SLC44A5: variants seen among roughly 807,000 people sequenced by gnomAD.
SLC44A5 encodes the protein solute carrier family 44 member 5.
A neutral mutation model predicts 101.8 loss-of-function variants in SLC44A5; 57 were observed. The observed-to-expected ratio is 0.56, with a 90% CI of 0.45 to 0.70. The LOEUF (loss-of-function observed/expected upper bound fraction) is 0.70. Among genes scored for constraint, SLC44A5 ranks in the 30% least tolerant of loss-of-function variants. SLC44A5 has a pLI of 0.00. For synonymous variants in SLC44A5, 281 were observed against 290.9 expected (o/e 0.97, Z 0.35); for missense variants, 737 against 853.1 (o/e 0.86, Z 1.70).
At chr1:75,495,461 A>G (rs576695988) in intron 2 of SLC44A5, among the ~76,000 whole-genome samples, 2 of 152,276 alleles carry the variant, frequency 1.3e-5, no homozygotes, top group East Asian at 3.9e-4. Flanking sequence ...TCTCAAAAAA[A>G]CAAAGAAACA....
At chr1:75,582,723 A>G (rs1673769199) in intron 1 of SLC44A5, among the ~76,000 whole-genome samples, 6 of 152,238 alleles carry the variant, frequency 3.9e-5, no homozygotes. Flanking sequence ...TTAAAGTCTG[A>G]AGGTATCAAG....
intron 6 of SLC44A5, among the ~76,000 whole-genome samples, chr1:75,264,049 C>T (rs1028771917): frequency 6.7e-6 from 1 of 149,536 alleles, no homozygotes; most frequent in African/African-American, 2.5e-5. Context: ...TTGATAGGTA[C>T]AGCAAACCAC....
At chr1:75,343,102 G>A (rs1184828061) in intron 3 of SLC44A5, among the ~76,000 whole-genome samples, 6 of 152,194 alleles carry the variant, frequency 3.9e-5, no homozygotes, top group Admixed American at 6.5e-5. Flanking sequence ...ACAGTGGTTC[G>A]CTGTCATGTG....
intron 3 of SLC44A5, among the ~76,000 whole-genome samples, chr1:75,350,749 C>A (rs1356105577): frequency 6.6e-6 from 1 of 151,418 alleles, no homozygotes; most frequent in Non-Finnish European, 1.5e-5. Context: ...AAAAAATGAG[C>A]CAGGCATGGT....
intron 2 of SLC44A5, among the ~76,000 whole-genome samples, chr1:75,452,869 T>A (rs571807904): frequency 6.6e-6 from 1 of 152,094 alleles, no homozygotes. Flanking sequence ...GCACCCAAGA[T>A]TGGAGCACAC....
At chr1:75,281,947 G>C (rs991548319) in intron 5 of SLC44A5, among the ~76,000 whole-genome samples, 1 of 152,132 alleles carries the variant, frequency 6.6e-6, no homozygotes, top group South Asian at 2.1e-4. Context: ...GAAATATAAA[G>C]TCAGAACCTC....
the SLC44A5 span, among the ~76,000 whole-genome samples, chr1:75,644,748 T>C: frequency 7.7e-3 from 1,173 of 152,244 alleles, 11 homozygotes; most frequent in Middle Eastern, 0.034. Flanking sequence ...TATTAACTCA[T>C]CATTTACATT....
chr1:75,270,644 G>A (rs1307332535), intron 6 of SLC44A5, among the ~76,000 whole-genome samples: 2 of 151,886 alleles, frequency 1.3e-5, no homozygotes, highest in Non-Finnish European at 2.9e-5. Context: ...AAACTGTAAG[G>A]GAAAATCAAC....
chr1:75,539,575 G>A (rs1462325624), intron 2 of SLC44A5, among the ~76,000 whole-genome samples: 2 of 143,364 alleles, frequency 1.4e-5, no homozygotes, highest in African/African-American at 2.6e-5. Flanking sequence ...TTCATTCCCT[G>A]CGTATGTAAA....
intron 2 of SLC44A5, among the ~76,000 whole-genome samples, chr1:75,430,849 G>C (rs1664575748): frequency 6.6e-6 from 1 of 152,192 alleles, no homozygotes; most frequent in Non-Finnish European, 1.5e-5. Flanking sequence ...TTGAGCTCAG[G>C]CCTCTGGGCT....
intron 23 of SLC44A5, chr1:75,204,996 A>AGAT (rs1388686642): frequency 2.4e-4 from 37 of 152,346 alleles, no homozygotes; most frequent in African/African-American, 8.9e-4. Flanking sequence ...TAATCTAGAA[A>AGAT]GATAAGTTGT....
At chr1:75,608,302 GA>G (rs1371578253) in intron 1 of SLC44A5, among the ~76,000 whole-genome samples, 1 of 151,798 alleles carries the variant, frequency 6.6e-6, no homozygotes, top group African/African-American at 2.4e-5. Flanking sequence ...TCTATCCACA[GA>G]TGAATGGATA....
intron 4 of SLC44A5, among the ~76,000 whole-genome samples, chr1:75,302,445 T>C (rs558583714): frequency 6.6e-6 from 1 of 152,226 alleles, no homozygotes; most frequent in Admixed American, 6.5e-5. Flanking sequence ...CGTCCTTATA[T>C]ATCTATAATG....
upstream of SLC44A5, among the ~76,000 whole-genome samples, chr1:75,613,753 T>C (rs1377794453): frequency 3.3e-5 from 5 of 152,266 alleles, no homozygotes; most frequent in Admixed American, 6.5e-5. Context: ...ACTGCTATTC[T>C]TCAATTATTT....
rs551345689 is a variant in SLC44A5 at position 75,259,826 on chromosome 1, G to T, written c.261-8532C>A. ...CGGGAAGCCCATCAGACAAACAGCA[G>T]ATCTCTTAGCAGAAACCCTAGAGGC... On this transcript the variant is annotated intron_variant, in intron 6 of 23. Transcript: ENST00000370859. Among the ~76,000 whole-genome samples, 28 of 152,248 alleles carry T rather than the reference G, an allele frequency of 1.8e-4. No homozygotes were observed. In the South Asian group the frequency reaches 5.6e-3, roughly 30 times the overall value.
At chr1:75,316,208 T>C (rs1438525493) in intron 4 of SLC44A5, among the ~76,000 whole-genome samples, 2 of 152,242 alleles carry the variant, frequency 1.3e-5, no homozygotes, top group Non-Finnish European at 2.9e-5. Context: ...ATACAACCTT[T>C]GCATTCCCAA....
intron 2 of SLC44A5, among the ~76,000 whole-genome samples, chr1:75,479,750 C>G (rs1348400633): frequency 6.6e-6 from 1 of 152,258 alleles, no homozygotes; most frequent in Non-Finnish European, 1.5e-5. Flanking sequence ...GAAATTGTGG[C>G]AATAATCAAT....
the SLC44A5 span, among the ~76,000 whole-genome samples, chr1:75,651,455 G>C: frequency 6.6e-6 from 1 of 152,026 alleles, no homozygotes; most frequent in Non-Finnish European, 1.5e-5. Flanking sequence ...CTCGCACTCT[G>C]GGAGGCCAAG....
chr1:75,253,868 C>T (rs1244895463), intron 6 of SLC44A5, among the ~76,000 whole-genome samples: 1 of 152,114 alleles, frequency 6.6e-6, no homozygotes, highest in Non-Finnish European at 1.5e-5. Flanking sequence ...ACTTGGCCCA[C>T]TCTAGACACT....
Sources: allele counts gnomAD v4.1 joint callset (sites outside exome capture counted in the v4.1 genomes callset), GRCh38; gene constraint gnomAD v4.1.1; transcripts MANE v1.5; gene names NCBI Gene and HGNC (gene_info 2026-07-23, HGNC 2026-07-21).